The following ST7 variants were observed in gnomAD, a reference collection of about 807,000 sequenced individuals.
The protein encoded by ST7 is suppressor of tumorigenicity 7 protein.
A neutral mutation model predicts 78.7 loss-of-function variants in ST7; 28 were observed. The observed-to-expected ratio is 0.36, with a 90% CI of 0.26 to 0.49. The LOEUF (loss-of-function observed/expected upper bound fraction) is 0.49, where lower values mean the gene tolerates loss of function less well. Ranked by LOEUF, ST7 falls within the 20% of genes least tolerant of loss-of-function variation. ST7 has a pLI of 0.99. For missense variants in ST7, 418 were observed against 696.0 expected (o/e 0.60, Z 4.49); for synonymous variants, 247 against 249.6 (o/e 0.99, Z 0.10).
chr7:116,980,986 C>T (rs1277621858), intron 1 of ST7, among the ~76,000 whole-genome samples: 1 of 152,156 alleles, frequency 6.6e-6, no homozygotes, highest in Non-Finnish European at 1.5e-5. Flanking sequence ...TCTCTCCAGA[C>T]TCCTTTTTTT....
intron 1 of ST7, among the ~76,000 whole-genome samples, chr7:117,025,549 C>T (rs532076223): frequency 1.1e-4 from 16 of 152,166 alleles, no homozygotes; most frequent in African/African-American, 3.4e-4. Flanking sequence ...CAAAAACCCA[C>T]CTCTAAGTCT....
chr7:117,116,196 G>A (rs1802869788), intron 2 of ST7, among the ~76,000 whole-genome samples: 1 of 152,148 alleles, frequency 6.6e-6, no homozygotes, highest in South Asian at 2.1e-4. Flanking sequence ...AAAAAGCGCA[G>A]GAGAGGTTAA....
chr7:117,037,486 A>C (rs1796953622), intron 1 of ST7, among the ~76,000 whole-genome samples: 1 of 152,206 alleles, frequency 6.6e-6, no homozygotes, highest in African/African-American at 2.4e-5. Flanking sequence ...TTCTTTCAGA[A>C]TTGAGATACG....
chr7:117,137,105 A>G (rs1051390601), intron 8 of ST7: 2 of 152,122 alleles, frequency 1.3e-5, no homozygotes, highest in African/African-American at 4.8e-5. Flanking sequence ...TCCCTCCTGA[A>G]ACTTAGAGAG....
chr7:117,145,207 A>C (rs1805666832), intron 9 of ST7, among the ~76,000 whole-genome samples: 1 of 152,176 alleles, frequency 6.6e-6, no homozygotes, highest in Non-Finnish European at 1.5e-5. Flanking sequence ...CCCATCTCAA[A>C]AAAAAAGTAG....
intron 15 of ST7, among the ~76,000 whole-genome samples, chr7:117,224,391 T>C (rs1793308751): frequency 1.3e-5 from 2 of 152,188 alleles, no homozygotes; most frequent in African/African-American, 4.8e-5. Context: ...GCCTTGGATG[T>C]TCCTTAGTTT....
intron 1 of ST7, among the ~76,000 whole-genome samples, chr7:117,046,441 A>T (rs1225013773): frequency 6.6e-6 from 1 of 151,938 alleles, no homozygotes; most frequent in Non-Finnish European, 1.5e-5. Flanking sequence ...CTGCTTGGTG[A>T]ATCTATGCTT....
intron 9 of ST7, among the ~76,000 whole-genome samples, chr7:117,148,409 G>A (rs1306349945): frequency 6.6e-6 from 1 of 152,044 alleles, no homozygotes; most frequent in African/African-American, 2.4e-5. Context: ...GGATCATTTG[G>A]ATCTGTAAAA....
At position 117,134,167 on chromosome 7, in the gene ST7, A is replaced by T. The variant is rs764610321; in HGVS notation, c.685A>T (p.Ile229Phe). The T allele has an allele frequency of 5.0e-6, 8 of 1,612,022 alleles. No homozygotes were observed. The African/African-American group carries it at 1.1e-4, about 22-fold the overall frequency. The change falls in exon 7 of 16, where the codon ATC becomes TTC. Residue 229 changes from isoleucine (I) to phenylalanine (F), a missense_variant. By Grantham distance (21) the Ile-to-Phe change is conservative. Around this residue, in one of 4 missense-constraint regions of ST7, gnomAD observed 288 missense variants for 537.1 expected, o/e 0.54. Coordinates refer to ENST00000323984, the MANE Select transcript of ST7 (RefSeq NM_001369598.1). ...VEVPLIASST[I>F]WEIKLLPKCA... is the part of the protein sequence containing the mutation. Reference sequence around the variant, plus strand: ...AGTTCCCCTAATTGCTTCCTCTACCATCTGGGAGATAAAATTGTTACCAAA... The same window carrying T: ...AGTTCCCCTAATTGCTTCCTCTACCTTCTGGGAGATAAAATTGTTACCAAA...
intron 1 of ST7, among the ~76,000 whole-genome samples, chr7:117,016,776 T>C (rs1414748832): frequency 2.0e-5 from 3 of 152,328 alleles, no homozygotes; most frequent in African/African-American, 7.2e-5. Context: ...TTCATAGTGA[T>C]TTTTATAAAC....
At chr7:117,192,753 T>C (rs1222972218) in intron 12 of ST7, among the ~76,000 whole-genome samples, 1 of 152,104 alleles carries the variant, frequency 6.6e-6, no homozygotes, top group Non-Finnish European at 1.5e-5. Flanking sequence ...GCTAAAACAC[T>C]GGTCTGAAAT....
intron 13 of ST7, among the ~76,000 whole-genome samples, chr7:117,215,397 T>G (rs936945310): frequency 6.6e-6 from 1 of 152,132 alleles, no homozygotes; most frequent in East Asian, 1.9e-4. Context: ...ACTTATAAAC[T>G]AGAGTATGAC....
At position 116,957,069 on chromosome 7, in the gene ST7, C is replaced by A. The variant is rs147738422; in HGVS notation, c.151+3378C>A. On this transcript the variant is annotated intron_variant, in intron 1 of 15. Transcript: ENST00000323984. ...AAAGGACTTTGATGAACAACCATAC[C>A]GTTTTTAGCTCTTACATCGTGTAGT... 478 of 169,034 alleles carry A rather than the reference C, an allele frequency of 2.8e-3. 1 individual carries two copies. Among genetic ancestry groups the A allele is most frequent in the African/African-American group, 0.01 (435 of 41,650 alleles). 10.5% of individuals were successfully genotyped at this position (169,034 alleles called of 1,614,324 possible). A position where few individuals can be genotyped will look rare whatever the true frequency, so the allele number is the denominator to read the frequency against.
At chr7:117,164,089 G>A (rs78409283) in intron 9 of ST7, among the ~76,000 whole-genome samples, 2 of 152,116 alleles carry the variant, frequency 1.3e-5, no homozygotes, top group East Asian at 3.9e-4. Context: ...AAAGCTGGAG[G>A]CATCATACTA....
intron 1 of ST7, among the ~76,000 whole-genome samples, chr7:117,043,388 C>T (rs889077409): frequency 1.3e-5 from 2 of 152,276 alleles, no homozygotes; most frequent in East Asian, 1.9e-4. Flanking sequence ...ACCTTTGAGA[C>T]TATTCCTTTT....
chr7:117,130,004 T>C (rs1025880566), intron 4 of ST7, among the ~76,000 whole-genome samples, 157 bp downstream of exon 4: 7 of 151,898 alleles, frequency 4.6e-5, no homozygotes, highest in African/African-American at 1.7e-4. Flanking sequence ...TTTTCTGTTT[T>C]ATAAATATTT....
At chr7:117,053,884 T>TA (rs981812458) in intron 1 of ST7, among the ~76,000 whole-genome samples, 4 of 151,426 alleles carry the variant, frequency 2.6e-5, no homozygotes, top group African/African-American at 9.7e-5. Flanking sequence ...CTTGCTCTGT[T>TA]ACCCAGGCTG....
intron 9 of ST7, among the ~76,000 whole-genome samples, chr7:117,141,665 T>A (rs952731983): frequency 1.3e-5 from 2 of 151,860 alleles, no homozygotes; most frequent in African/African-American, 4.8e-5. Context: ...TTCTTTTTCT[T>A]TTCTTTTTTT....
chr7:117,207,527 G>A (rs886449063), intron 12 of ST7, among the ~76,000 whole-genome samples: 2 of 152,092 alleles, frequency 1.3e-5, no homozygotes, highest in African/African-American at 2.4e-5. Context: ...GGTTCTTTAG[G>A]CTAAGAGAAG....
Sources: gnomAD v4.1 joint callset for allele counts (sites outside exome capture counted in the v4.1 genomes callset) on GRCh38, gnomAD v4.1.1 for gene constraint, gnomAD v4.1.1 regional missense constraint, MANE v1.5 for transcripts, NCBI Gene and HGNC (gene_info 2026-07-23, HGNC 2026-07-21) for gene names.